Variants in SLC22A23 observed in about 807,000 individuals in gnomAD.
SLC22A23 encodes the protein ion transporter protein.
Under a neutral mutation model 61.0 loss-of-function variants are expected in SLC22A23, and 26 were observed. The observed-to-expected ratio is 0.43, with a 90% CI of 0.31 to 0.59. The LOEUF (loss-of-function observed/expected upper bound fraction) is 0.59, where lower values mean the gene tolerates loss of function less well. Ranked by LOEUF, SLC22A23 falls within the 20% of genes least tolerant of loss-of-function variation. The pLI is 0.11. For missense variants in SLC22A23, 796 were observed against 934.7 expected (o/e 0.85, Z 1.94); for synonymous variants, 430 against 413.9 (o/e 1.04, Z -0.47).
chr6:3,414,141 G>A lies in SLC22A23; in HGVS notation c.758+1611C>T, dbSNP rs536516783. Among the ~76,000 whole-genome samples, 38 of 152,178 alleles carry A rather than the reference G, an allele frequency of 2.5e-4. No individual in the cohort carries two copies. Among genetic ancestry groups the A allele is most frequent in the Non-Finnish European group, 4.4e-4 (30 of 68,006 alleles). ...ACAGACTGGTTCATTCATAAAAGTC[G>A]ATTTTTACTTTTCTATTAAATTATT... On this transcript the variant is annotated intron_variant, in intron 2 of 9. Coordinates refer to ENST00000406686, the MANE Select transcript of SLC22A23 (RefSeq NM_015482.2). This position sits in a 1 kb window ranked among gnomAD's most constrained non-coding sequence, Gnocchi z 5.1.
intron 3 of SLC22A23, among the ~76,000 whole-genome samples, chr6:3,364,314 T>A (rs1214651321): frequency 3.9e-5 from 6 of 152,166 alleles, no homozygotes; most frequent in Admixed American, 3.9e-4. Context: ...ACAATTCCCA[T>A]GTTACACTTC....
intron 4 of SLC22A23, 103 bp downstream of exon 4, chr6:3,323,731 C>CAACT (rs1463620481): frequency 5.7e-5 from 75 of 1,311,310 alleles, no homozygotes; most frequent in Non-Finnish European, 7.6e-5. Flanking sequence ...CCACAAGCTG[C>CAACT]AACTAGTGGG....
chr6:3,374,247 TCA>T (rs983191509), intron 3 of SLC22A23, among the ~76,000 whole-genome samples: 1 of 152,258 alleles, frequency 6.6e-6, no homozygotes, highest in Non-Finnish European at 1.5e-5. Flanking sequence ...TGCTGGGCTC[TCA>T]GCTATATGTC....
intron 3 of SLC22A23, among the ~76,000 whole-genome samples, chr6:3,403,100 C>G (rs1768543666): frequency 6.6e-6 from 1 of 151,958 alleles, no homozygotes; most frequent in Non-Finnish European, 1.5e-5. Flanking sequence ...TCAATAACAG[C>G]AAGTCTTGGC....
chr6:3,379,497 C>CT (rs1225830904), intron 3 of SLC22A23, among the ~76,000 whole-genome samples: 4 of 152,074 alleles, frequency 2.6e-5, no homozygotes, highest in African/African-American at 9.7e-5. Flanking sequence ...ACTTGCAGGG[C>CT]TTAGACAGGG....
In SLC22A23 at chr6:3,309,671, G is replaced by A. The variant is rs1263494187; in HGVS notation, c.1083-11453C>T. Among the ~76,000 whole-genome samples the A allele has an allele frequency of 2.0e-5, 3 of 152,226 alleles. No homozygotes were observed. The highest frequency in any genetic ancestry group is 2.9e-5 in the Non-Finnish European group (2 of 68,034). ...TGCACACAGGCGTTCCAGCCTCCTT[G>A]GTGGTACAGGAGCTTCACACACACA... On this transcript the variant is annotated intron_variant, in intron 4 of 9. Coordinates refer to ENST00000406686, the MANE Select transcript of SLC22A23 (RefSeq NM_015482.2). This position sits in a 1 kb window ranked among gnomAD's most constrained non-coding sequence, Gnocchi z 4.7.
chr6:3,287,235 C>G, intron 6 of SLC22A23, 144 bp from the exon 7 acceptor site: 1 of 707,442 alleles, frequency 1.4e-6, no homozygotes, highest in East Asian at 2.7e-5. Flanking sequence ...GACCGAACCA[C>G]GAGCAGATTA....
intron 1 of SLC22A23, among the ~76,000 whole-genome samples, chr6:3,435,335 C>T (rs1001100995): frequency 2.0e-5 from 3 of 151,912 alleles, no homozygotes; most frequent in African/African-American, 7.3e-5. Context: ...TCCCCACTTC[C>T]CCTCTCTTCC....
chr6:3,294,045 AGG>A (rs1239578423), intron 5 of SLC22A23, among the ~76,000 whole-genome samples: 1 of 152,188 alleles, frequency 6.6e-6, no homozygotes, highest in African/African-American at 2.4e-5. Flanking sequence ...GGAAGAAGAC[AGG>A]AGTGCATTTG....
rs141056005 is a variant in SLC22A23 at position 3,436,068 on chromosome 6, G to A, written c.654+19838C>T. 4.3e-4 allele frequency among the ~76,000 whole-genome samples: 65 copies of A among 152,246 alleles called. 1 individual carries two copies. The highest frequency in any genetic ancestry group is 1.4e-3 in the African/African-American group (60 of 41,558). On this transcript the variant is annotated intron_variant, in intron 1 of 9. Coordinates refer to ENST00000406686, the MANE Select transcript of SLC22A23 (RefSeq NM_015482.2). The stretch of plus-strand genomic sequence containing the variant: ...CAAGCTAATACAGCGTGAGAATGAA[G>A]CCAGGGCAGAGGATGACCTAGAAGA...
At chr6:3,341,340 C>T (rs1764141885) in intron 3 of SLC22A23, among the ~76,000 whole-genome samples, 3 of 152,162 alleles carry the variant, frequency 2.0e-5, no homozygotes, top group African/African-American at 7.2e-5. Flanking sequence ...GTTCCAAAAG[C>T]CTAACTTTTA....
At chr6:3,359,508 G>T (rs1199340114) in intron 3 of SLC22A23, among the ~76,000 whole-genome samples, 1 of 152,210 alleles carries the variant, frequency 6.6e-6, no homozygotes, top group Admixed American at 6.5e-5. Context: ...CATCCATCAG[G>T]ATGGTAGCTG....
intron 1 of SLC22A23, among the ~76,000 whole-genome samples, chr6:3,440,999 T>C (rs9503596): frequency 0.76 from 115,151 of 152,188 alleles, 43,946 homozygotes; most frequent in African/African-American, 0.83. Flanking sequence ...CCTGACAGCC[T>C]CTGTAGTGGA....
Position 3,328,249 on chromosome 6 carries a change from T to C in SLC22A23, c.914-4247A>G, listed in dbSNP as rs4128535. 0.25 allele frequency among the ~76,000 whole-genome samples: 38,304 copies of C among 151,550 alleles called. 6,078 individuals are homozygous for C. The highest frequency in any genetic ancestry group is 0.45 in the African/African-American group (18,427 of 41,210). On this transcript the variant is annotated intron_variant, in intron 3 of 9. Coordinates refer to ENST00000406686, the MANE Select transcript of SLC22A23 (RefSeq NM_015482.2). This position sits in a 1 kb window ranked among gnomAD's most constrained non-coding sequence, Gnocchi z 5.0. The stretch of plus-strand genomic sequence containing the variant: ...CTGAGACTGAACTGAGGCATTTGTT[T>C]AGTGAATCAACAGGGACCATGACTA...
chr6:3,426,758 C>T (rs948918068), intron 1 of SLC22A23, among the ~76,000 whole-genome samples: 1 of 152,156 alleles, frequency 6.6e-6, no homozygotes, highest in Non-Finnish European at 1.5e-5. Flanking sequence ...ACAGCTAACA[C>T]CAACCAGCTA....
chr6:3,288,919 AAT>A (rs1422198022), intron 6 of SLC22A23, among the ~76,000 whole-genome samples: 3 of 152,212 alleles, frequency 2.0e-5, no homozygotes, highest in African/African-American at 4.8e-5. Context: ...CCAGAACCCC[AAT>A]ATGGAGAACT....
chr6:3,415,106 A>G (rs573111908), intron 2 of SLC22A23, among the ~76,000 whole-genome samples: 1 of 152,352 alleles, frequency 6.6e-6, no homozygotes, highest in East Asian at 1.9e-4. Context: ...GGAACTACTT[A>G]GCACAGTGCC....
intron 4 of SLC22A23, among the ~76,000 whole-genome samples, chr6:3,314,320 G>A (rs1762516793): frequency 6.6e-6 from 1 of 152,164 alleles, no homozygotes; most frequent in South Asian, 2.1e-4. Flanking sequence ...CAGAACCCCG[G>A]GCTCATTATG....
rs1293188562 is a variant in SLC22A23 at position 3,308,335 on chromosome 6, G to A, written c.1083-10117C>T. ...GGGTGGGCACATGTCCTTCCAAATC[G>A]TATTCAGGGCGCTGACACGCACCTG... On this transcript the variant is annotated intron_variant, in intron 4 of 9. Coordinates refer to ENST00000406686, the MANE Select transcript of SLC22A23 (RefSeq NM_015482.2). This position sits in a 1 kb window ranked among gnomAD's most constrained non-coding sequence, Gnocchi z 5.1. Among the ~76,000 whole-genome samples, 3 of 152,192 alleles carry A rather than the reference G, an allele frequency of 2.0e-5. No homozygotes were observed. The highest frequency in any genetic ancestry group is 1.9e-4 in the East Asian group (1 of 5,174).
Sources: gnomAD v4.1 joint callset for allele counts (sites outside exome capture counted in the v4.1 genomes callset) on GRCh38, gnomAD v4.1.1 for gene constraint, Gnocchi (gnomAD v3.1) non-coding constraint, MANE v1.5 for transcripts, NCBI Gene and HGNC (gene_info 2026-07-23, HGNC 2026-07-21) for gene names.